The following CACNA2D4 variants were observed in gnomAD, a reference collection of about 807,000 sequenced individuals.
The protein encoded by CACNA2D4 is voltage-dependent calcium channel subunit alpha-2/delta-4.
A neutral mutation model predicts 163.8 loss-of-function variants in CACNA2D4; 157 were observed. The ratio of observed to expected loss-of-function variants is 0.96; its 90% confidence interval spans 0.84 to 1.09. The LOEUF (loss-of-function observed/expected upper bound fraction) is 1.09, where lower values mean the gene tolerates loss of function less well. Among genes scored for constraint, CACNA2D4 ranks in the 50% least tolerant of loss-of-function variants. The pLI, the probability that CACNA2D4 is intolerant of heterozygous loss-of-function variation, is 0.00. For synonymous variants in CACNA2D4, 598 were observed against 586.9 expected, an observed-to-expected ratio of 1.02 and a Z score of -0.27; for missense variants, 1,410 against 1,479.9, an observed-to-expected ratio of 0.95 and a Z score of 0.78.
chr12:1,873,374 T>C (rs1865823423), intron 18 of CACNA2D4, among the ~76,000 whole-genome samples: 3 of 152,122 alleles, frequency 2.0e-5, no homozygotes, highest in Non-Finnish European at 4.4e-5. Flanking sequence ...TGGGCAGAGG[T>C]TTCAGAAGTT....
intron 18 of CACNA2D4, among the ~76,000 whole-genome samples, chr12:1,864,146 T>C (rs776922327): frequency 6.6e-6 from 1 of 152,190 alleles, no homozygotes; most frequent in Non-Finnish European, 1.5e-5. Context: ...TCTCTACTGT[T>C]TGTAATTTCA....
At position 1,834,593 on chromosome 12, in the gene CACNA2D4, G is replaced by A. The variant is rs776872752; in HGVS notation, c.2551+6146C>T. 5.6e-6 allele frequency: 9 copies of A among 1,600,046 alleles called. No homozygotes were observed. Among genetic ancestry groups the A allele is most frequent in the Non-Finnish European group, 7.6e-6 (9 of 1,179,916 alleles). The stretch of plus-strand genomic sequence containing the variant: ...CGTCTGCATCATGATGGTGGTGGCC[G>A]CTGCCTATGGCTGCATCTACGCCTC... On this transcript the variant is annotated intron_variant, in intron 26 of 37. Transcript: ENST00000382722. This position sits in a 1 kb window ranked among gnomAD's most constrained non-coding sequence, Gnocchi z 7.6.
intron 2 of CACNA2D4, 55 bp downstream of exon 2, chr12:1,914,799 C>T (rs772238326): frequency 1.3e-5 from 16 of 1,253,568 alleles, no homozygotes; most frequent in Admixed American, 6.8e-5. Flanking sequence ...TTGGGGGCTT[C>T]GATGGCTGAC....
Position 1,907,933 on chromosome 12 carries a change from G to A in CACNA2D4, c.591C>T (p.Asn197=). 6 of 1,614,070 alleles carry A rather than the reference G, an allele frequency of 3.7e-6. No homozygotes were observed. Among genetic ancestry groups the A allele is most frequent in the Non-Finnish European group, 5.1e-6 (6 of 1,179,884 alleles). ...TGCTGATGGAGGTGTTCACCGGCAGGTTGCTGAAGTGAGCATTGGACTCCA... is the reference window on the plus strand; with the variant it reads ...TGCTGATGGAGGTGTTCACCGGCAGATTGCTGAAGTGAGCATTGGACTCCA... ...FLLESNAHFS[N]LPVNTSISSV... is the part of the protein sequence containing the mutation. The change falls in exon 5 of 38, where the codon AAC becomes AAT. Residue 197 remains asparagine, a synonymous_variant. Transcript: ENST00000382722.
At chr12:1,915,770 G>T (rs1235304848) in intron 1 of CACNA2D4, among the ~76,000 whole-genome samples, 1 of 152,246 alleles carries the variant, frequency 6.6e-6, no homozygotes, top group Non-Finnish European at 1.5e-5. Context: ...GGGTCCTGGG[G>T]GCAGGTACAC....
At chr12:1,847,288 T>C (rs1289788658) in intron 23 of CACNA2D4, among the ~76,000 whole-genome samples, 9 of 152,192 alleles carry the variant, frequency 5.9e-5, no homozygotes, top group Non-Finnish European at 1.2e-4. Context: ...TGGGAAGTCA[T>C]CTCTTTTGAC....
At chr12:1,815,824 T>G (rs1051606834) in intron 26 of CACNA2D4, among the ~76,000 whole-genome samples, 1 of 152,176 alleles carries the variant, frequency 6.6e-6, no homozygotes, top group Non-Finnish European at 1.5e-5. Context: ...CTGGGTCCCT[T>G]GAAGACTTCG....
chr12:1,799,628 G>T lies in CACNA2D4; in HGVS notation c.2995+47C>A, dbSNP rs746555459. 1.3e-6 allele frequency: 2 copies of T among 1,553,566 alleles called. No homozygotes were observed. The highest frequency in any genetic ancestry group is 1.9e-5 in the Admixed American group (1 of 51,538). On this transcript the variant is annotated intron_variant, in intron 34 of 37. Transcript: ENST00000382722. The surrounding 1 kb of genome is among the most constrained non-coding windows in gnomAD (Gnocchi z 4.7). ...GTGGGTTCTTTGTAGCTCCTGCTGCGTCCCCAACCCACCGCCAGCAGGGAT... is the reference window on the plus strand; with the variant it reads ...GTGGGTTCTTTGTAGCTCCTGCTGCTTCCCCAACCCACCGCCAGCAGGGAT...
At chr12:1,893,253 C>T (rs547732822) in intron 6 of CACNA2D4, among the ~76,000 whole-genome samples, 1 of 152,160 alleles carries the variant, frequency 6.6e-6, no homozygotes, top group Non-Finnish European at 1.5e-5. Flanking sequence ...AAACAAGTCT[C>T]AGTAAATTAA....
intron 6 of CACNA2D4, among the ~76,000 whole-genome samples, chr12:1,901,615 CAT>C (rs1223445140): frequency 1.3e-5 from 2 of 152,084 alleles, no homozygotes; most frequent in African/African-American, 4.8e-5. Flanking sequence ...TTCCTAGACA[CAT>C]ACAACCTACT....
chr12:1,799,362 TG>T lies in CACNA2D4; in HGVS notation c.2995+312del, dbSNP rs1451094273. 5.7e-4 allele frequency among the ~76,000 whole-genome samples: 87 copies of T among 152,306 alleles called. No individual in the cohort carries two copies. The highest frequency in any genetic ancestry group is 2.0e-3 in the African/African-American group (83 of 41,578). Reference sequence around the variant, plus strand: ...CTGTTTGCTTCTCCAAGGGGTGGGCTGGAGGTTGCTCACTCATACTGGCTCA... The same window carrying T: ...CTGTTTGCTTCTCCAAGGGGTGGGCTGAGGTTGCTCACTCATACTGGCTCA... On this transcript the variant is annotated intron_variant, in intron 34 of 37. Transcript: ENST00000382722. The surrounding 1 kb of genome is among the most constrained non-coding windows in gnomAD (Gnocchi z 4.7).
rs114126893 is a variant in CACNA2D4 at position 1,852,113 on chromosome 12, G to A, written c.2246+1838C>T. ...TTACTAAATTCTCTCATTGGGTATA[G>A]TAATTTTCTTATTAATTCTTCTGGG... On this transcript the variant is annotated intron_variant, in intron 23 of 37. Transcript: ENST00000382722. Among the ~76,000 whole-genome samples, 665 of 152,236 alleles carry A rather than the reference G, an allele frequency of 4.4e-3. 13 individuals carry two copies. In the South Asian group the frequency reaches 0.045, roughly 10 times the overall value.
Position 1,875,103 on chromosome 12 carries a change from T to C in CACNA2D4, c.1806+148A>G. On this transcript the variant is annotated intron_variant, in intron 17 of 37. Coordinates refer to ENST00000382722, the MANE Select transcript of CACNA2D4 (RefSeq NM_172364.5). This position sits in a 1 kb window ranked among gnomAD's most constrained non-coding sequence, Gnocchi z 4.0. ...AAGAATTGCTCATTTTAGGCATTGC[T>C]TGTGGCTTGAGCTTGGAAAGGCTCT... is the stretch of plus-strand genomic sequence containing the variant. 1 of 634,236 alleles carries C rather than the reference T, an allele frequency of 1.6e-6. No homozygotes were observed. Among genetic ancestry groups the C allele is most frequent in the South Asian group, 2.0e-5 (1 of 50,188 alleles). The allele number at this position is 634,236 out of a possible 1,614,324, so 39.3% of individuals were successfully genotyped here.
At chr12:1,906,089 C>A (rs1033390135) in intron 6 of CACNA2D4, among the ~76,000 whole-genome samples, 1 of 152,170 alleles carries the variant, frequency 6.6e-6, no homozygotes, top group African/African-American at 2.4e-5. Context: ...GAAAGGCAGT[C>A]TTTTCAACAA....
intron 26 of CACNA2D4, chr12:1,822,223 C>G (rs569072458): frequency 1.3e-5 from 2 of 152,368 alleles, no homozygotes; most frequent in South Asian, 4.1e-4. Context: ...GAGGAGCAAA[C>G]TCTGCTCCCG....
intron 29 of CACNA2D4, among the ~76,000 whole-genome samples, chr12:1,805,137 C>T (rs1035149285): frequency 5.3e-5 from 8 of 152,134 alleles, no homozygotes; most frequent in African/African-American, 7.2e-5. Flanking sequence ...AGCAGTGGCC[C>T]GTGGGCTGCC....
chr12:1,822,703 AAT>A (rs1841701160), intron 26 of CACNA2D4, among the ~76,000 whole-genome samples: 1 of 152,216 alleles, frequency 6.6e-6, no homozygotes, highest in South Asian at 2.1e-4. Context: ...TCCAAGTACA[AAT>A]ATAGAGATTT....
At chr12:1,812,035 C>T (rs575151514) in intron 26 of CACNA2D4, among the ~76,000 whole-genome samples, 9 of 152,258 alleles carry the variant, frequency 5.9e-5, no homozygotes, top group South Asian at 2.1e-4. Flanking sequence ...AACTCAAGGC[C>T]GGTGGATGGG....
chr12:1,809,544 CTTCT>C, intron 29 of CACNA2D4: 1 of 702,970 alleles, frequency 1.4e-6, no homozygotes, highest in Non-Finnish European at 2.6e-6. Flanking sequence ...TTTGAATGGG[CTTCT>C]TTCTCAGTTT....
Sources: gnomAD v4.1 joint callset for allele counts (sites outside exome capture counted in the v4.1 genomes callset) on GRCh38, gnomAD v4.1.1 for gene constraint, Gnocchi (gnomAD v3.1) non-coding constraint, MANE v1.5 for transcripts, NCBI Gene and HGNC (gene_info 2026-07-23, HGNC 2026-07-21) for gene names.